XIRP2: variants seen among roughly 807,000 people sequenced by gnomAD.
XIRP2 encodes xin actin-binding repeat-containing protein 2.
A neutral mutation model predicts 277.0 loss-of-function variants in XIRP2; 236 were observed. The observed-to-expected ratio is 0.85, with a 90% CI of 0.77 to 0.95. The LOEUF is 0.95. Ranked by LOEUF, XIRP2 falls within the 40% of genes least tolerant of loss-of-function variation. The pLI, the probability that XIRP2 is intolerant of heterozygous loss-of-function variation, is 0.00. For missense variants in XIRP2, 4,640 were observed against 4,157.5 expected (o/e 1.12, Z -3.19); for synonymous variants, 1,490 against 1,416.5 (o/e 1.05, Z -1.17).
intron 3 of XIRP2, among the ~76,000 whole-genome samples, chr2:167,179,051 C>T (rs1287687134): frequency 6.6e-6 from 1 of 152,006 alleles, no homozygotes; most frequent in Non-Finnish European, 1.5e-5. Flanking sequence ...AGACTAGATC[C>T]TTGAATCATT....
chr2:166,902,477 A>G (rs1017489533), intron 1 of XIRP2, among the ~76,000 whole-genome samples: 1 of 152,056 alleles, frequency 6.6e-6, no homozygotes, highest in African/African-American at 2.4e-5. Context: ...CACTGTGCTG[A>G]TACTTTTCCA....
At chr2:167,010,513 A>G (rs1041118820) in intron 2 of XIRP2, among the ~76,000 whole-genome samples, 2 of 152,072 alleles carry the variant, frequency 1.3e-5, no homozygotes, top group African/African-American at 2.4e-5. Flanking sequence ...TGATGCCTCC[A>G]GCTTTGTTCT....
At chr2:167,252,549 T>TA (rs1695545215) in intron 9 of XIRP2, among the ~76,000 whole-genome samples, 1 of 151,944 alleles carries the variant, frequency 6.6e-6, no homozygotes, top group Non-Finnish European at 1.5e-5. Flanking sequence ...TTCGCTTTTC[T>TA]AAAAAATAAA....
At chr2:167,006,944 A>G (rs920469095) in intron 2 of XIRP2, among the ~76,000 whole-genome samples, 3 of 151,696 alleles carry the variant, frequency 2.0e-5, no homozygotes, top group Non-Finnish European at 4.4e-5. Flanking sequence ...AGTAATGAAA[A>G]TCTATAGGAA....
In XIRP2 at chr2:167,247,475, T is replaced by C. The variant is rs528739868; in HGVS notation, c.6083T>C (p.Ile2028Thr). ...AAAGCCCCCAAAGGCACTGTAAAGA[T>C]TGTCATAGATCGTGAACAAAACAAT... ...LPKAPKGTVK[I>T]VIDREQNNDA... Residue 2028 changes from isoleucine to threonine, a missense_variant, in exon 9 of 11, where the codon ATT becomes ACT. Coordinates refer to ENST00000409195, the MANE Select transcript of XIRP2 (RefSeq NM_152381.6). The C allele has an allele frequency of 9.9e-6, 16 of 1,613,702 alleles. No individual in the cohort carries two copies. The South Asian group carries it at 1.6e-4, about 17-fold the overall frequency.
chr2:166,960,083 A>C (rs1189548581), intron 2 of XIRP2, among the ~76,000 whole-genome samples: 1 of 151,824 alleles, frequency 6.6e-6, no homozygotes, highest in Non-Finnish European at 1.5e-5. Context: ...TTTAAAAATG[A>C]TGTTATTAAC....
At chr2:166,962,598 C>G (rs1221428359) in intron 2 of XIRP2, among the ~76,000 whole-genome samples, 1 of 151,706 alleles carries the variant, frequency 6.6e-6, no homozygotes, top group Non-Finnish European at 1.5e-5. Flanking sequence ...TAGGAAAAAG[C>G]AACTCAAAAA....
intron 2 of XIRP2, among the ~76,000 whole-genome samples, chr2:167,083,791 G>A (rs1217346514): frequency 6.6e-6 from 1 of 152,244 alleles, no homozygotes; most frequent in East Asian, 1.9e-4. Flanking sequence ...CATTGATTTT[G>A]TATCCTGAGA....
intron 2 of XIRP2, among the ~76,000 whole-genome samples, chr2:166,931,546 T>C (rs1405560129): frequency 6.6e-6 from 1 of 152,192 alleles, no homozygotes; most frequent in African/African-American, 2.4e-5. Context: ...TGTCTATTTT[T>C]TCACTTAACA....
chr2:167,003,712 C>T (rs1687429554), intron 2 of XIRP2, among the ~76,000 whole-genome samples: 1 of 151,836 alleles, frequency 6.6e-6, no homozygotes, highest in Non-Finnish European at 1.5e-5. Flanking sequence ...ATACTTTATT[C>T]TCGAAGCAAT....
chr2:167,201,442 A>T (rs1665395729), intron 3 of XIRP2, among the ~76,000 whole-genome samples: 1 of 151,230 alleles, frequency 6.6e-6, no homozygotes, highest in African/African-American at 2.5e-5. Flanking sequence ...GGACATTTGG[A>T]TGAAAGCGCG....
At chr2:167,127,167 C>A (rs1334309690) in intron 2 of XIRP2, among the ~76,000 whole-genome samples, 3 of 152,162 alleles carry the variant, frequency 2.0e-5, no homozygotes, top group Non-Finnish European at 4.4e-5. Context: ...AAATGCCCTA[C>A]TTCCTTGGTG....
chr2:167,037,511 T>C (rs1037833527), intron 2 of XIRP2, among the ~76,000 whole-genome samples: 3 of 131,224 alleles, frequency 2.3e-5, no homozygotes, highest in African/African-American at 1.0e-4. Context: ...GGTTTTTTCA[T>C]GTGGGGGGTG....
chr2:167,178,343 TACTA>T (rs1213804712), intron 3 of XIRP2, among the ~76,000 whole-genome samples: 6 of 152,176 alleles, frequency 3.9e-5, no homozygotes, highest in Admixed American at 6.5e-5. Context: ...TTCTTATACT[TACTA>T]ACTGCATTTA....
intron 2 of XIRP2, among the ~76,000 whole-genome samples, chr2:166,919,268 T>G (rs1393219947): frequency 6.6e-6 from 1 of 152,202 alleles, no homozygotes; most frequent in Non-Finnish European, 1.5e-5. Flanking sequence ...GGTGAGTGAA[T>G]GTTATAACTT....
At chr2:166,940,764 A>G (rs1016337709) in intron 2 of XIRP2, among the ~76,000 whole-genome samples, 2 of 152,188 alleles carry the variant, frequency 1.3e-5, no homozygotes, top group Admixed American at 6.5e-5. Context: ...AACAGTGAAT[A>G]TTGCTGAACA....
intron 2 of XIRP2, among the ~76,000 whole-genome samples, chr2:167,085,634 G>T (rs1689915908): frequency 1.3e-5 from 2 of 151,980 alleles, no homozygotes; most frequent in Admixed American, 6.6e-5. Context: ...CTCCTGTATT[G>T]GGTGCATATA....
intron 4 of XIRP2, among the ~76,000 whole-genome samples, chr2:167,217,139 G>C (rs191505556): frequency 6.8e-5 from 9 of 131,402 alleles, no homozygotes; most frequent in African/African-American, 2.3e-4. Flanking sequence ...GTGGTGGGGT[G>C]GGGGGAGGGG....
intron 2 of XIRP2, among the ~76,000 whole-genome samples, chr2:166,921,428 T>C (rs1322942443): frequency 6.6e-6 from 1 of 152,138 alleles, no homozygotes; most frequent in African/African-American, 2.4e-5. Context: ...CATGGATGAC[T>C]TCTATCTCAT....
Sources: gnomAD v4.1 joint callset for allele counts (sites outside exome capture counted in the v4.1 genomes callset) on GRCh38, gnomAD v4.1.1 for gene constraint, MANE v1.5 for transcripts, NCBI Gene and HGNC (gene_info 2026-07-23, HGNC 2026-07-21) for gene names.